NARF: variants seen among roughly 807,000 people sequenced by gnomAD.
NARF encodes the protein nuclear prelamin A recognition factor.
NARF carries 41 observed loss-of-function variants against 48.0 expected under a neutral mutation model. The observed-to-expected ratio is 0.85, with a 90% CI of 0.66 to 1.11. The LOEUF (loss-of-function observed/expected upper bound fraction) is 1.11, where lower values mean the gene tolerates loss of function less well. Ranked by LOEUF, NARF falls within the 50% of genes least tolerant of loss-of-function variation. The probability of loss-of-function intolerance (pLI) is 0.00; values close to 1 mark genes in which losing one functional copy is unlikely to be tolerated. For synonymous variants in NARF, 215 were observed against 225.5 expected, an observed-to-expected ratio of 0.95 and a Z score of 0.42; for missense variants, 613 against 590.2, an observed-to-expected ratio of 1.04 and a Z score of -0.40.
intron 5 of NARF, among the ~76,000 whole-genome samples, chr17:82,474,238 T>C (rs1381146481): frequency 6.6e-6 from 1 of 152,068 alleles, no homozygotes; most frequent in Non-Finnish European, 1.5e-5. Context: ...CAAATAATTA[T>C]GGAATAATAT....
chr17:82,464,510 A>G, intron 3 of NARF, 80 bp downstream of exon 3: 1 of 1,504,850 alleles, frequency 6.6e-7, no homozygotes. Context: ...CCTGCACAGA[A>G]GCCTCTGCTG....
rs774786709 is a variant in NARF, at chr17:82,464,331, C to T, written c.153C>T (p.Ser51=). 6.2e-6 allele frequency: 10 copies of T among 1,613,494 alleles called. No individual in the cohort carries two copies. The highest frequency in any genetic ancestry group is 2.7e-5 in the African/African-American group (2 of 74,898). ...TGGCTGATGCCAAGATATTTTTGAG[C>T]GACTGCCTGGCATGTGACAGCTGTA... The part of the protein sequence containing the change: ...HKLADAKIFL[S]DCLACDSCMT... Residue 51 remains serine, a synonymous_variant, in exon 3 of 11, where the codon AGC becomes AGT. Transcript: ENST00000309794.
intron 2 of NARF, among the ~76,000 whole-genome samples, chr17:82,462,070 C>T (rs933389828): frequency 3.3e-5 from 5 of 152,214 alleles, no homozygotes; most frequent in African/African-American, 4.8e-5. Flanking sequence ...CTGTGAGCCT[C>T]GTTTCCTTAT....
chr17:82,480,905 C>A lies in NARF; in HGVS notation c.640-177C>A, dbSNP rs2043947601. On this transcript the variant is annotated intron_variant, in intron 6 of 10. Transcript: ENST00000309794. ...TGAGATCACGCCACTGCACTCCAAC[C>A]TGGTGACAGAGCAAGACTCCATTTC... 43 of 809,156 alleles carry A rather than the reference C, an allele frequency of 5.3e-5. No homozygotes were observed. The South Asian group carries it at 7.1e-4, about 13-fold the overall frequency. 50.1% of individuals were successfully genotyped at this position (809,156 alleles called of 1,614,324 possible). A position where few individuals can be genotyped will look rare whatever the true frequency, so the allele number is the denominator to read the frequency against.
Position 82,489,821 on chromosome 17 carries a change from C to G in NARF, c.*1664C>G, listed in dbSNP as rs1172963839. On this transcript the variant is annotated 3_prime_UTR_variant, in exon 11 of 11. Coordinates refer to ENST00000309794, the MANE Select transcript of NARF (RefSeq NM_012336.4). ...GGAGTTTCTACATGGGAGACTCTGT[C>G]TCTACAAATTTTTTTTTTTTTTTTG... 3 of 151,710 alleles carry G rather than the reference C, an allele frequency of 2.0e-5. No homozygotes were observed. The highest frequency in any genetic ancestry group is 4.8e-5 in the African/African-American group (2 of 41,300). 9.4% of individuals were successfully genotyped at this position (151,710 alleles called of 1,614,324 possible).
chr17:82,483,811 G>C (rs755375749), intron 8 of NARF, 32 bp downstream of exon 8: 6 of 1,606,704 alleles, frequency 3.7e-6, no homozygotes, highest in Non-Finnish European at 5.1e-6. Flanking sequence ...AGTCCTCTGG[G>C]GGGCAGGACC....
At chr17:82,458,605 C>T (rs914945693), upstream of NARF, 15 of 629,824 alleles carry the variant, frequency 2.4e-5, no homozygotes, top group East Asian at 3.5e-5. Flanking sequence ...TAGGCAAAGC[C>T]GTAAGGGTGG....
At position 82,468,899 on chromosome 17, in the gene NARF, G is replaced by C; in HGVS notation, c.385+3G>C. On this transcript the variant is annotated splice_donor_region_variant and intron_variant, in intron 4 of 10. Transcript: ENST00000309794. ...CTGTGGTTTCCTCAAAAGTCTTGGTGAGTCATCTTTTGATAAATTGGGAAT... is the reference window on the plus strand; with the variant it reads ...CTGTGGTTTCCTCAAAAGTCTTGGTCAGTCATCTTTTGATAAATTGGGAAT... The C allele has an allele frequency of 6.2e-7, 1 of 1,612,694 alleles. No individual in the cohort carries two copies. The highest frequency in any genetic ancestry group is 8.5e-7 in the Non-Finnish European group (1 of 1,179,566).
At chr17:82,472,846 A>G (rs2043744575) in intron 5 of NARF, 148 bp downstream of exon 5, 1 of 1,009,474 alleles carries the variant, frequency 9.9e-7, no homozygotes, top group African/African-American at 1.7e-5. Flanking sequence ...TGATTCACAG[A>G]GGGTGTTTGA....
chr17:82,472,414 G>A, intron 4 of NARF, 150 bp from the exon 5 acceptor site: 1 of 739,968 alleles, frequency 1.4e-6, no homozygotes, highest in South Asian at 2.2e-5. Flanking sequence ...AACCTGGGAG[G>A]CGGAGGTTGC....
intron 5 of NARF, among the ~76,000 whole-genome samples, chr17:82,475,404 T>G (rs1407133432): frequency 1.3e-5 from 2 of 152,110 alleles, no homozygotes; most frequent in South Asian, 2.1e-4. Flanking sequence ...ATTGAGACCA[T>G]CCTGGCTAAC....
At chr17:82,466,953 A>T (rs962080738) in intron 3 of NARF, among the ~76,000 whole-genome samples, 6 of 151,386 alleles carry the variant, frequency 4.0e-5, no homozygotes, top group Non-Finnish European at 7.4e-5. Flanking sequence ...TTGGCCTCCC[A>T]AAGTGCTGGG....
Position 82,488,366 on chromosome 17 carries a change from G to A in NARF, c.*209G>A. 1 of 711,008 alleles carries A rather than the reference G, an allele frequency of 1.4e-6. No homozygotes were observed. Among genetic ancestry groups the A allele is most frequent in the Non-Finnish European group, 2.1e-6 (1 of 471,930 alleles). 44.0% of individuals were successfully genotyped at this position (711,008 alleles called of 1,614,324 possible). Reference sequence around the variant, plus strand: ...CTATCTTCATAATAGGTGTGGGATTGGAACTTTTTTTTTCTTTTTTTTTTT... The same window carrying A: ...CTATCTTCATAATAGGTGTGGGATTAGAACTTTTTTTTTCTTTTTTTTTTT... On this transcript the variant is annotated 3_prime_UTR_variant, in exon 11 of 11. Coordinates refer to ENST00000309794, the MANE Select transcript of NARF (RefSeq NM_012336.4).
upstream of NARF, chr17:82,458,606 G>GT (rs1199553015): frequency 3.8e-5 from 24 of 636,136 alleles, no homozygotes; most frequent in Non-Finnish European, 5.4e-5. Flanking sequence ...AGGCAAAGCC[G>GT]TAAGGGTGGG....
intron 2 of NARF, chr17:82,460,530 C>G (rs993340352): frequency 1.3e-5 from 2 of 153,012 alleles, no homozygotes; most frequent in Admixed American, 6.5e-5. Context: ...TTTGGGAGGC[C>G]GAGGCAGGCG....
chr17:82,487,788 C>CCCAGA, intron 10 of NARF, 128 bp from the exon 11 acceptor site: 1 of 759,778 alleles, frequency 1.3e-6, no homozygotes, highest in Non-Finnish European at 2.1e-6. Flanking sequence ...CCCTCCCGCC[C>CCCAGA]AATCTCTACA....
rs2043351733 is a variant in NARF, at chr17:82,458,803, G to C, written c.-1G>C. On this transcript the variant is annotated 5_prime_UTR_variant, in exon 1 of 11. Transcript: ENST00000309794. ...CCGGCCTCCCGCCCGCCGCGCTCCA[G>C]ATGAAGTGTGAGCACTGCACGCGCA... is the stretch of plus-strand genomic sequence containing the variant. 2 of 1,459,018 alleles carry C rather than the reference G, an allele frequency of 1.4e-6. No homozygotes were observed. The highest frequency in any genetic ancestry group is 1.5e-5 in the African/African-American group (1 of 67,712). 90.4% of individuals were successfully genotyped at this position (1,459,018 alleles called of 1,614,324 possible).
intron 5 of NARF, among the ~76,000 whole-genome samples, chr17:82,474,330 C>A (rs1377590850): frequency 1.3e-5 from 2 of 152,166 alleles, no homozygotes; most frequent in East Asian, 3.8e-4. Context: ...CAGATACTCT[C>A]AGGGCGCACT....
intron 10 of NARF, among the ~76,000 whole-genome samples, chr17:82,487,484 GAA>G (rs762309924): frequency 5.3e-5 from 7 of 131,496 alleles, no homozygotes; most frequent in East Asian, 2.2e-4. Flanking sequence ...ACTCTGTCTC[GAA>G]AAAAAAAAAA....
Sources: allele counts gnomAD v4.1 joint callset (sites outside exome capture counted in the v4.1 genomes callset), GRCh38; gene constraint gnomAD v4.1.1; transcripts MANE v1.5; gene names NCBI Gene and HGNC (gene_info 2026-07-23, HGNC 2026-07-21).